PDZRN3: variants seen among roughly 807,000 people sequenced by gnomAD.
PDZRN3 encodes PDZ domain containing ring finger 3, also known as E3 ubiquitin-protein ligase PDZRN3.
Under a neutral mutation model 85.7 loss-of-function variants are expected in PDZRN3, and 38 were observed. The ratio of observed to expected loss-of-function variants is 0.44; its 90% CI spans 0.34 to 0.58. The LOEUF is 0.58. Ranked by LOEUF, PDZRN3 falls within the 20% of genes least tolerant of loss-of-function variation. The probability of loss-of-function intolerance (pLI) is 0.01; values close to 1 mark genes in which losing one functional copy is unlikely to be tolerated. For missense variants in PDZRN3, 1,629 were observed against 1,506.4 expected, an observed-to-expected ratio of 1.08 and a Z score of -1.35; for synonymous variants, 759 against 638.0, an observed-to-expected ratio of 1.19 and a Z score of -2.86.
intron 3 of PDZRN3, among the ~76,000 whole-genome samples, chr3:73,410,983 G>A (rs926320788): frequency 2.0e-5 from 3 of 152,206 alleles, no homozygotes; most frequent in Non-Finnish European, 4.4e-5. Flanking sequence ...CAAGTACTTG[G>A]CAACAAGCTG....
intron 3 of PDZRN3, among the ~76,000 whole-genome samples, chr3:73,528,112 A>G (rs888074078): frequency 6.6e-6 from 1 of 152,214 alleles, no homozygotes; most frequent in African/African-American, 2.4e-5. Context: ...GCTCCCCCAG[A>G]CTAAAGAGAT....
chr3:73,552,986 G>A (rs1381235910), intron 3 of PDZRN3, among the ~76,000 whole-genome samples: 2 of 152,296 alleles, frequency 1.3e-5, no homozygotes, highest in East Asian at 3.9e-4. Context: ...CCCTGGTGAG[G>A]AGAGGAGTAT....
At chr3:73,441,731 G>A (rs1204998140) in intron 3 of PDZRN3, among the ~76,000 whole-genome samples, 1 of 152,180 alleles carries the variant, frequency 6.6e-6, no homozygotes, top group Non-Finnish European at 1.5e-5. Context: ...GGAATGCTGA[G>A]GCGGGCAAAC....
rs138741155 is a variant in PDZRN3 at position 73,413,300 on chromosome 3, G to A, written c.919-8905C>T. ...TAAAAAGTCCAGCTGCCAAATTTCA[G>A]TAAAAACCATACTCCAAATAAGTCA... is the stretch of plus-strand genomic sequence containing the variant. On this transcript the variant is annotated intron_variant, in intron 3 of 9. Transcript: ENST00000263666. Among the ~76,000 whole-genome samples the A allele has an allele frequency of 4.6e-5, 7 of 152,240 alleles. No individual in the cohort carries two copies. The East Asian group carries it at 5.8e-4, about 13-fold the overall frequency.
intron 3 of PDZRN3, among the ~76,000 whole-genome samples, chr3:73,437,113 A>C (rs1191685794): frequency 1.3e-5 from 2 of 152,074 alleles, no homozygotes; most frequent in Admixed American, 6.6e-5. Context: ...ATATTAAGCA[A>C]TATTTATCAT....
intron 1 of PDZRN3, 22 bp from the exon 2 acceptor site, chr3:73,608,706 A>T (rs1343299087): frequency 6.7e-7 from 1 of 1,497,236 alleles, no homozygotes; most frequent in Non-Finnish European, 9.2e-7. Flanking sequence ...AAATGAGATC[A>T]AACTTTTATT....
intron 3 of PDZRN3, among the ~76,000 whole-genome samples, chr3:73,440,278 G>A (rs577578223): frequency 1.4e-4 from 21 of 152,278 alleles, no homozygotes; most frequent in African/African-American, 4.8e-4. Context: ...AAGGCAGCTG[G>A]TGAGGGCAGC....
intron 1 of PDZRN3, among the ~76,000 whole-genome samples, chr3:73,620,663 G>A (rs1187576950): frequency 1.3e-5 from 2 of 148,680 alleles, no homozygotes; most frequent in African/African-American, 2.5e-5. Context: ...TGCAAGCTCC[G>A]CTTCCCAGGT....
At chr3:73,579,612 G>A (rs1324749765) in intron 3 of PDZRN3, among the ~76,000 whole-genome samples, 1 of 152,180 alleles carries the variant, frequency 6.6e-6, no homozygotes, top group African/African-American at 2.4e-5. Context: ...GCCCACATTT[G>A]TAAATGACAG....
intron 2 of PDZRN3, among the ~76,000 whole-genome samples, chr3:73,603,761 C>T (rs751574078): frequency 4.6e-5 from 7 of 151,930 alleles, no homozygotes; most frequent in East Asian, 1.9e-4. Context: ...GGGAAGGAAA[C>T]GACTTCAAGT....
At chr3:73,408,318 A>T in intron 3 of PDZRN3, 2 of 656,440 alleles carry the variant, frequency 3.0e-6, no homozygotes, top group Non-Finnish European at 5.5e-6. Flanking sequence ...AGATGAGATA[A>T]CTTACTGGTA....
chr3:73,425,263 C>G (rs192384007), intron 3 of PDZRN3, among the ~76,000 whole-genome samples: 2 of 152,028 alleles, frequency 1.3e-5, no homozygotes, highest in African/African-American at 4.8e-5. Context: ...AGTGATCCAC[C>G]CGCCTCAGCC....
chr3:73,440,526 G>A (rs889617332), intron 3 of PDZRN3, among the ~76,000 whole-genome samples: 1 of 152,148 alleles, frequency 6.6e-6, no homozygotes, highest in Non-Finnish European at 1.5e-5. Context: ...CGGACGCCCC[G>A]TGAGACACCT....
At chr3:73,408,340 C>A in intron 3 of PDZRN3, 1 of 621,274 alleles carries the variant, frequency 1.6e-6, no homozygotes, top group East Asian at 2.8e-5. Flanking sequence ...TGCCTAAATG[C>A]CAATAATAAG....
chr3:73,623,683 T>C (rs1702905488), intron 1 of PDZRN3: 1 of 158,986 alleles, frequency 6.3e-6, no homozygotes, highest in Admixed American at 6.5e-5. Flanking sequence ...AATGTGTCCA[T>C]CTCTCCTCTC....
At chr3:73,494,407 G>C (rs887642195) in intron 3 of PDZRN3, among the ~76,000 whole-genome samples, 1 of 152,194 alleles carries the variant, frequency 6.6e-6, no homozygotes, top group African/African-American at 2.4e-5. Flanking sequence ...TAAAGCTCAA[G>C]GAAGGACAGT....
chr3:73,511,964 C>CG (rs1246961770), intron 3 of PDZRN3, among the ~76,000 whole-genome samples: 1 of 152,210 alleles, frequency 6.6e-6, no homozygotes, highest in Non-Finnish European at 1.5e-5. Flanking sequence ...CTGATTGGTA[C>CG]GAATGTGTTT....
At chr3:73,585,485 T>A (rs6791129) in intron 3 of PDZRN3, among the ~76,000 whole-genome samples, 12,722 of 152,234 alleles carry the variant, frequency 0.084, 703 homozygotes, top group African/African-American at 0.16. Context: ...TGTGGCCTGG[T>A]GGTAGGAAGC....
chr3:73,498,467 C>T (rs1575692173), intron 3 of PDZRN3, among the ~76,000 whole-genome samples: 1 of 152,176 alleles, frequency 6.6e-6, no homozygotes, highest in East Asian at 1.9e-4. Context: ...TGGTCGAGTA[C>T]TTTTTCCCTA....
Sources: gnomAD v4.1 joint callset for allele counts (sites outside exome capture counted in the v4.1 genomes callset) on GRCh38, gnomAD v4.1.1 for gene constraint, MANE v1.5 for transcripts, NCBI Gene and HGNC (gene_info 2026-07-23, HGNC 2026-07-21) for gene names.